Variants in RYR2 observed in about 807,000 individuals in gnomAD.
RYR2 encodes the protein ryanodine receptor 2, also known as cardiac muscle ryanodine receptor-calcium release channel.
Under a neutral mutation model 601.1 loss-of-function variants are expected in RYR2, and 227 were observed. That is an observed-to-expected ratio of 0.38 (90% confidence interval 0.34 to 0.42). The LOEUF (loss-of-function observed/expected upper bound fraction) is 0.42. Among genes scored for constraint, RYR2 ranks in the 10% least tolerant of loss-of-function variants. The probability of loss-of-function intolerance (pLI) is 1.00; values close to 1 mark genes in which losing one functional copy is unlikely to be tolerated. For missense variants in RYR2, 4,646 were observed against 6,156.5 expected (o/e 0.75, Z 8.21); for synonymous variants, 2,223 against 2,175.1 (o/e 1.02, Z -0.61).
At chr1:237,467,529 G>T (rs1660218098) in intron 16 of RYR2, among the ~76,000 whole-genome samples, 1 of 152,098 alleles carries the variant, frequency 6.6e-6, no homozygotes, top group Admixed American at 6.6e-5. Context: ...TCTTAAGGGA[G>T]GCTGCTGGAC....
In RYR2 at chr1:237,707,225, A is replaced by G. The variant is rs1688457336; in HGVS notation, c.9857A>G (p.Asn3286Ser). ...LLGNILKIIY[N>S]NLGIDEGAWM... ...GGGAACATATTGAAAATCATATATAATAACTTGGGGATTGATGAGGGAGCC... is the reference window on the plus strand; with the variant it reads ...GGGAACATATTGAAAATCATATATAGTAACTTGGGGATTGATGAGGGAGCC... Residue 3286 changes from asparagine (N) to serine (S), a missense_variant, in exon 68 of 105, where the codon AAT (asparagine) becomes AGT (serine). Asn to Ser is a conservative substitution (Grantham distance 46). Transcript: ENST00000366574. The G allele has an allele frequency of 1.3e-6, 2 of 1,587,290 alleles. No individual in the cohort carries two copies. The highest frequency in any genetic ancestry group is 1.7e-6 in the Non-Finnish European group (2 of 1,160,920).
Position 237,833,912 on chromosome 1 carries a change from A to G in RYR2, c.*1265A>G. 6.6e-6 allele frequency: 1 copy of G among 152,536 alleles called. No individual in the cohort carries two copies. The highest frequency in any genetic ancestry group is 1.9e-4 in the East Asian group (1 of 5,198). The allele number at this position is 152,536 out of a possible 1,614,324, so 9.4% of individuals were successfully genotyped here. Reference sequence around the variant, plus strand: ...ATGGAAACAAGGTCATTTTGCAAACATTGGAGCTCTTTTATTACAAGTCTG... The same window carrying G: ...ATGGAAACAAGGTCATTTTGCAAACGTTGGAGCTCTTTTATTACAAGTCTG... On this transcript the variant is annotated 3_prime_UTR_variant, in exon 105 of 105. Coordinates refer to ENST00000366574, the MANE Select transcript of RYR2 (RefSeq NM_001035.3).
intron 2 of RYR2, among the ~76,000 whole-genome samples, chr1:237,329,712 G>A (rs1696527337): frequency 6.6e-6 from 1 of 152,022 alleles, no homozygotes. Flanking sequence ...TCTCCTACGT[G>A]CATATATTGT....
chr1:237,809,258 T>G (rs1321178225), intron 100 of RYR2, among the ~76,000 whole-genome samples: 1 of 152,246 alleles, frequency 6.6e-6, no homozygotes, highest in African/African-American at 2.4e-5. Flanking sequence ...TAATTAGAAT[T>G]GCTGAGTAAT....
intron 65 of RYR2, 73 bp downstream of exon 65, chr1:237,700,540 T>A (rs2149032597): frequency 6.9e-6 from 5 of 728,218 alleles, no homozygotes; most frequent in South Asian, 3.8e-5. Context: ...AAAACAGTAA[T>A]AGCCACATCT....
intron 101 of RYR2, 143 bp from the exon 102 acceptor site, chr1:237,828,238 T>C: frequency 1.8e-6 from 1 of 557,258 alleles, no homozygotes; most frequent in Admixed American, 2.8e-5. Context: ...CTCCTAGGAG[T>C]ATCGGATATG....
intron 2 of RYR2, among the ~76,000 whole-genome samples, chr1:237,293,212 C>A (rs1269139065): frequency 2.0e-5 from 3 of 151,960 alleles, no homozygotes; most frequent in Non-Finnish European, 4.4e-5. Flanking sequence ...TTTAATTTTT[C>A]TTTTTTGGTT....
chr1:237,321,011 G>A (rs1417230791), intron 2 of RYR2, among the ~76,000 whole-genome samples: 2 of 151,276 alleles, frequency 1.3e-5, no homozygotes, highest in Non-Finnish European at 2.9e-5. Context: ...CAAATGGACA[G>A]GGCAATAAAA....
At chr1:237,733,612 A>C in intron 78 of RYR2, 93 bp from the exon 79 acceptor site, 1 of 814,744 alleles carries the variant, frequency 1.2e-6, no homozygotes, top group Non-Finnish European at 2.1e-6. Context: ...ACTTGTTAGA[A>C]AAAGAACAAA....
intron 9 of RYR2, 103 bp from the exon 10 acceptor site, chr1:237,387,984 C>G: frequency 2.8e-6 from 3 of 1,074,792 alleles, no homozygotes; most frequent in Middle Eastern, 5.5e-4. Flanking sequence ...ACTCACTAGA[C>G]TTCAGTTTCT....
intron 17 of RYR2, among the ~76,000 whole-genome samples, chr1:237,475,054 A>G (rs1307120250): frequency 6.6e-6 from 1 of 152,234 alleles, no homozygotes; most frequent in Non-Finnish European, 1.5e-5. Flanking sequence ...TGTGTATGCC[A>G]GATACTATTT....
intron 1 of RYR2, among the ~76,000 whole-genome samples, chr1:237,070,321 T>C (rs1315603774): frequency 6.6e-6 from 1 of 152,070 alleles, no homozygotes; most frequent in Non-Finnish European, 1.5e-5. Flanking sequence ...TGCATGTCCC[T>C]GGGCCCAGCT....
chr1:237,787,814 A>G, intron 91 of RYR2, 174 bp from the exon 92 acceptor site: 1 of 639,994 alleles, frequency 1.6e-6, no homozygotes, highest in South Asian at 2.2e-5. Context: ...TGATCAACAG[A>G]AAATCCTACC....
intron 24 of RYR2, among the ~76,000 whole-genome samples, chr1:237,526,694 G>A (rs1041255705): frequency 1.3e-5 from 2 of 152,074 alleles, no homozygotes; most frequent in African/African-American, 4.8e-5. Context: ...CTGTTGAGTT[G>A]TTTAAGTTCT....
chr1:237,563,931 G>A (rs1191307534), intron 27 of RYR2, among the ~76,000 whole-genome samples: 1 of 151,916 alleles, frequency 6.6e-6, no homozygotes, highest in African/African-American at 2.4e-5. Flanking sequence ...AGTTTTCATG[G>A]TATATAATGA....
chr1:237,298,699 A>AT (rs900642071), intron 2 of RYR2, among the ~76,000 whole-genome samples: 5 of 152,172 alleles, frequency 3.3e-5, no homozygotes, highest in African/African-American at 4.8e-5. Context: ...AGAAAAATAT[A>AT]TTTTTTTAAA....
intron 17 of RYR2, among the ~76,000 whole-genome samples, chr1:237,480,214 T>C (rs1234215536): frequency 6.6e-6 from 1 of 151,186 alleles, no homozygotes; most frequent in Non-Finnish European, 1.5e-5. Flanking sequence ...GGGTCAGGAG[T>C]TTGAGACCGT....
rs11314213 is a variant in RYR2 at position 237,814,965 on chromosome 1, CTTT to C, written c.14434-4054_14434-4052del. ...ATAATCTGCTCCTTTTTTCTTTTTT[CTTT>C]TTTTTTTTTTTTTTTTGCCAAGATG... is the stretch of plus-strand genomic sequence containing the variant. On this transcript the variant is annotated intron_variant, in intron 100 of 104. Coordinates refer to ENST00000366574, the MANE Select transcript of RYR2 (RefSeq NM_001035.3). 2.3e-4 allele frequency among the ~76,000 whole-genome samples: 22 copies of C among 93,930 alleles called. No homozygotes were observed. The East Asian group carries it at 2.4e-3, about 10-fold the overall frequency. 61.6% of individuals were successfully genotyped at this position (93,930 alleles called of 152,430 possible).
chr1:237,129,292 G>A (rs1671890921), intron 1 of RYR2, among the ~76,000 whole-genome samples: 1 of 152,150 alleles, frequency 6.6e-6, no homozygotes, highest in African/African-American at 2.4e-5. Flanking sequence ...GATGGACTAG[G>A]CATTTTGGAC....
Sources: gnomAD v4.1 joint callset for allele counts (sites outside exome capture counted in the v4.1 genomes callset) on GRCh38, gnomAD v4.1.1 for gene constraint, MANE v1.5 for transcripts, NCBI Gene and HGNC (gene_info 2026-07-23, HGNC 2026-07-21) for gene names.